CASP8: variants seen among roughly 807,000 people sequenced by gnomAD.
The protein encoded by CASP8 is caspase 8.
Under a neutral mutation model 46.3 loss-of-function variants are expected in CASP8, and 24 were observed. The observed-to-expected ratio is 0.52, with a 90% CI of 0.38 to 0.73. The LOEUF is 0.73. Among genes scored for constraint, CASP8 ranks in the 30% least tolerant of loss-of-function variants. The pLI is 0.00. For missense variants in CASP8, 460 were observed against 559.0 expected, an observed-to-expected ratio of 0.82 and a Z score of 1.79; for synonymous variants, 188 against 200.4, an observed-to-expected ratio of 0.94 and a Z score of 0.52.
Position 201,273,085 on chromosome 2 carries a change from T to C in CASP8, c.595+143T>C, listed in dbSNP as rs1948393164. 3 of 697,524 alleles carry C rather than the reference T, an allele frequency of 4.3e-6. No homozygotes were observed. In the South Asian group the frequency reaches 5.2e-5, roughly 12 times the overall value. 43.2% of individuals were successfully genotyped at this position (697,524 alleles called of 1,614,324 possible). A position where few individuals can be genotyped will look rare whatever the true frequency, so the allele number is the denominator to read the frequency against. ...TTTTTTTTTTTTTTTTGTGAGACAG[T>C]TTTACTTTGTTTCCCAGGCTGGAGA... On this transcript the variant is annotated intron_variant, in intron 5 of 8. Transcript: ENST00000673742.
chr2:201,277,138 T>C (rs1948687064), intron 7 of CASP8, 170 bp downstream of exon 7: 4 of 534,260 alleles, frequency 7.5e-6, no homozygotes, highest in Middle Eastern at 5.1e-4. Flanking sequence ...ATCAGTTTCC[T>C]GCTTTTTTTA....
Position 201,272,539 on chromosome 2 carries a change from G to T in CASP8, c.412-99G>T, listed in dbSNP as rs2125250218. 7.4e-7 allele frequency: 1 copy of T among 1,358,508 alleles called. No individual in the cohort carries two copies. The highest frequency in any genetic ancestry group is 1.0e-6 in the Non-Finnish European group (1 of 962,274). The allele number at this position is 1,358,508 out of a possible 1,614,324, so 84.2% of individuals were successfully genotyped here. A position where few individuals can be genotyped will look rare whatever the true frequency, so the allele number is the denominator to read the frequency against. On this transcript the variant is annotated intron_variant, in intron 3 of 8. Coordinates refer to ENST00000673742, the MANE Select transcript of CASP8 (RefSeq NM_001372051.1). The surrounding 1 kb of genome is among the most constrained non-coding windows in gnomAD (Gnocchi z 4.4). ...GTCAGAAACTTGGGAAGCAAGGGCA[G>T]GTCCTTGGTTGGAGAAATTGGAAAT...
rs1409344389 is a variant in CASP8, at chr2:201,287,702, T to C, written c.*1108T>C. ...TTTTTTAATAGAATAAAATATAATT[T>C]GATCTTATTGCTCCTTGGAGATTTT... On this transcript the variant is annotated 3_prime_UTR_variant, in exon 9 of 9. Coordinates refer to ENST00000673742, the MANE Select transcript of CASP8 (RefSeq NM_001372051.1). The C allele has an allele frequency of 6.6e-6, 1 of 152,426 alleles. No homozygotes were observed. Among genetic ancestry groups the C allele is most frequent in the Non-Finnish European group, 1.5e-5 (1 of 68,192 alleles). 9.4% of individuals were successfully genotyped at this position (152,426 alleles called of 1,614,324 possible).
chr2:201,264,568 C>T (rs1481105575), intron 1 of CASP8, among the ~76,000 whole-genome samples: 1 of 152,074 alleles, frequency 6.6e-6, no homozygotes, highest in East Asian at 1.9e-4. Context: ...AAATTCTGGC[C>T]AACTTGCAAT....
chr2:201,268,638 GT>G (rs1233259919), intron 2 of CASP8, among the ~76,000 whole-genome samples: 3 of 152,196 alleles, frequency 2.0e-5, no homozygotes, highest in African/African-American at 7.2e-5. Flanking sequence ...GTTTAAAACA[GT>G]TTTTAAAATG....
upstream of CASP8, among the ~76,000 whole-genome samples, chr2:201,256,641 G>A (rs572852606): frequency 2.0e-4 from 31 of 152,160 alleles, no homozygotes; most frequent in Non-Finnish European, 4.0e-4. Flanking sequence ...TCTGTTTTTG[G>A]CTCAGCAGGA....
rs34775964 is a variant in CASP8 at position 201,237,085 on chromosome 2, ATTTTTTTT to A, written c.-27+2989_-27+2996del. 3.4e-5 allele frequency among the ~76,000 whole-genome samples: 3 copies of A among 88,084 alleles called. 1 individual carries two copies. The highest frequency in any genetic ancestry group is 1.4e-4 in the African/African-American group (3 of 21,568). The allele number at this position is 88,084 out of a possible 152,430, so 57.8% of individuals were successfully genotyped here. A position where few individuals can be genotyped will look rare whatever the true frequency, so the allele number is the denominator to read the frequency against. On this transcript the variant is annotated intron_variant, in intron 2 of 6. Transcript: ENST00000264274. ...CTTTTCCCCAGTATGACCCCTTTCTATTTTTTTTTTTTTTTTTTTTTTTGAGACAGAGT... is the reference window on the plus strand; with the variant it reads ...CTTTTCCCCAGTATGACCCCTTTCTATTTTTTTTTTTTTTTGAGACAGAGT...
intron 6 of CASP8, among the ~76,000 whole-genome samples, chr2:201,275,925 A>G (rs1046719306): frequency 6.6e-6 from 1 of 152,178 alleles, no homozygotes; most frequent in Admixed American, 6.5e-5. Context: ...TGCTTAATAA[A>G]TACTTAGAAC....
intron 2 of CASP8, among the ~76,000 whole-genome samples, chr2:201,249,390 T>C (rs534665460): frequency 6.6e-6 from 1 of 152,350 alleles, no homozygotes; most frequent in Non-Finnish European, 1.5e-5. Flanking sequence ...TGTGAGACTT[T>C]AAAAAATTAA....
At chr2:201,271,687 C>T (rs1361016886) in intron 3 of CASP8, 66 bp downstream of exon 3, 1 of 982,514 alleles carries the variant, frequency 1.0e-6, no homozygotes, top group African/African-American at 1.6e-5. Context: ...ATTTCTGAGA[C>T]CAAAGAGAGG....
intron 2 of CASP8, among the ~76,000 whole-genome samples, chr2:201,251,847 G>C (rs756350606): frequency 6.6e-6 from 1 of 151,666 alleles, no homozygotes; most frequent in Non-Finnish European, 1.5e-5. Flanking sequence ...GCTGTAGTGA[G>C]CCAAGATCAC....
rs563080569 is a variant in CASP8 at position 201,272,511 on chromosome 2, A to G, written c.412-127A>G. On this transcript the variant is annotated intron_variant, in intron 3 of 8. Transcript: ENST00000673742. This position sits in a 1 kb window ranked among gnomAD's most constrained non-coding sequence, Gnocchi z 4.4. ...TGCTGGCTGTGAGAGACCAGCAGAA[A>G]CTGTCAGAAACTTGGGAAGCAAGGG... is the stretch of plus-strand genomic sequence containing the variant. The G allele has an allele frequency of 6.9e-6, 7 of 1,018,622 alleles. No individual in the cohort carries two copies. In the South Asian group the frequency reaches 8.2e-5, roughly 12 times the overall value. 63.1% of individuals were successfully genotyped at this position (1,018,622 alleles called of 1,614,324 possible).
chr2:201,271,802 A>G (rs1948266749), intron 3 of CASP8, among the ~76,000 whole-genome samples, 181 bp downstream of exon 3: 1 of 151,862 alleles, frequency 6.6e-6, no homozygotes. Flanking sequence ...AGTGCTGCTC[A>G]TGTTAATTAT....
At position 201,287,058 on chromosome 2, in the gene CASP8, T is replaced by C. The variant is rs1045494; in HGVS notation, c.*464T>C. On this transcript the variant is annotated 3_prime_UTR_variant, in exon 9 of 9. Transcript: ENST00000673742. ...CAATAACACTGTCTCCTTTCTCTTA[T>C]GCTTAAGGCTTTGGGAATGTTTTTA... 0.1 allele frequency: 19,309 copies of C among 188,986 alleles called. 1,662 individuals carry two copies. The highest frequency in any genetic ancestry group is 0.26 in the South Asian group (2,592 of 10,044). The allele number at this position is 188,986 out of a possible 1,614,324, so 11.7% of individuals were successfully genotyped here. A position where few individuals can be genotyped will look rare whatever the true frequency, so the allele number is the denominator to read the frequency against.
At chr2:201,283,160 A>G (rs1576376956) in intron 7 of CASP8, among the ~76,000 whole-genome samples, 1 of 60,196 alleles carries the variant, frequency 1.7e-5, no homozygotes, top group African/African-American at 5.6e-5. Context: ...ACTTCCCAGT[A>G]GGGGCGGCCG....
chr2:201,239,275 C>CTGCT (rs940490234), intron 2 of CASP8, among the ~76,000 whole-genome samples: 1 of 152,162 alleles, frequency 6.6e-6, no homozygotes, highest in African/African-American at 2.4e-5. Flanking sequence ...TCTCAATGAG[C>CTGCT]TGCTGGGTAC....
rs561729612 is a variant in CASP8 at position 201,286,464 on chromosome 2, A to T, written c.1310A>T (p.Asp437Val). 3.7e-6 allele frequency: 6 copies of T among 1,612,770 alleles called. No individual in the cohort carries two copies. Among genetic ancestry groups the T allele is most frequent in the South Asian group, 2.2e-5 (2 of 91,062 alleles). ...QSLRERCPRG[D>V]DILTILTEVN... ...TATTATGTGATGTATTTCAGAGGCGATGATATTCTCACCATCCTGACTGAA... is the reference window on the plus strand; with the variant it reads ...TATTATGTGATGTATTTCAGAGGCGTTGATATTCTCACCATCCTGACTGAA... The change falls in exon 9 of 9, where the codon GAT (aspartate) becomes GTT (valine). Residue 437 changes from aspartate to valine, a missense_variant. Coordinates refer to ENST00000673742, the MANE Select transcript of CASP8 (RefSeq NM_001372051.1).
At chr2:201,267,325 G>A (rs985213809) in intron 2 of CASP8, among the ~76,000 whole-genome samples, 1 of 151,926 alleles carries the variant, frequency 6.6e-6, no homozygotes, top group African/African-American at 2.4e-5. Context: ...CCACCTGCTT[G>A]CGGATGGCTA....
At chr2:201,278,193 C>A (rs1482459795) in intron 7 of CASP8, 2 of 152,482 alleles carry the variant, frequency 1.3e-5, no homozygotes, top group African/African-American at 4.8e-5. Context: ...TCTGGCAGCT[C>A]ATTTTCTTAT....
Sources: gnomAD v4.1 joint callset for allele counts (sites outside exome capture counted in the v4.1 genomes callset) on GRCh38, gnomAD v4.1.1 for gene constraint, Gnocchi (gnomAD v3.1) non-coding constraint, MANE v1.5 for transcripts, NCBI Gene and HGNC (gene_info 2026-07-23, HGNC 2026-07-21) for gene names.